The following SELENOI variants were observed in gnomAD, a reference collection of about 807,000 sequenced individuals.
SELENOI encodes the protein selenoprotein I.
A neutral mutation model predicts 50.7 loss-of-function variants in SELENOI; 24 were observed. The observed-to-expected ratio is 0.47, with a 90% CI of 0.34 to 0.67. The LOEUF (loss-of-function observed/expected upper bound fraction) is 0.67. SELENOI is among the 30% of genes least tolerant of loss of function. The pLI, the probability that SELENOI is intolerant of heterozygous loss-of-function variation, is 0.01. For missense variants in SELENOI, 352 were observed against 461.4 expected (o/e 0.76, Z 2.17); for synonymous variants, 155 against 170.2 (o/e 0.91, Z 0.70).
intron 7 of SELENOI, among the ~76,000 whole-genome samples, chr2:26,384,107 C>G (rs1394612454): frequency 6.6e-6 from 1 of 152,168 alleles, no homozygotes; most frequent in East Asian, 1.9e-4. Flanking sequence ...TTGCTCTTTC[C>G]CTTCTTAGTA....
chr2:26,354,667 A>G (rs1010771802), intron 1 of SELENOI, among the ~76,000 whole-genome samples: 9 of 151,896 alleles, frequency 5.9e-5, no homozygotes, highest in African/African-American at 2.2e-4. Flanking sequence ...CTGGGATTAC[A>G]GATGTGAGCC....
intron 4 of SELENOI, among the ~76,000 whole-genome samples, chr2:26,371,781 G>A (rs1276948240): frequency 6.6e-6 from 1 of 152,224 alleles, no homozygotes; most frequent in Non-Finnish European, 1.5e-5. Context: ...GAATCAGGCA[G>A]GGAGATTGCA....
chr2:26,360,744 T>C (rs1046792917), intron 1 of SELENOI, among the ~76,000 whole-genome samples: 42 of 152,302 alleles, frequency 2.8e-4, no homozygotes, highest in African/African-American at 9.9e-4. Context: ...CAGACTTTTG[T>C]GAAGTAAAGG....
In SELENOI at chr2:26,375,164, T is replaced by C; in HGVS notation, c.682+16T>C. The C allele has an allele frequency of 6.7e-7, 1 of 1,496,362 alleles. No individual in the cohort carries two copies. The highest frequency in any genetic ancestry group is 9.3e-7 in the Non-Finnish European group (1 of 1,079,160). 92.7% of individuals were successfully genotyped at this position (1,496,362 alleles called of 1,614,324 possible). ...ATGATTATTGGTAAGAAGCTCCATG[T>C]TGAAGCCTGTTTTAACCATCACTTT... is the stretch of plus-strand genomic sequence containing the variant. On this transcript the variant is annotated intron_variant, in intron 6 of 9. Coordinates refer to ENST00000260585, the MANE Select transcript of SELENOI (RefSeq NM_033505.4).
intron 9 of SELENOI, among the ~76,000 whole-genome samples, chr2:26,387,732 AT>A (rs1298481662): frequency 6.6e-6 from 1 of 151,760 alleles, no homozygotes; most frequent in African/African-American, 2.4e-5. Context: ...AAGAAAAAAA[AT>A]GTTGGCATAA....
chr2:26,356,596 A>T (rs903569463), intron 1 of SELENOI, among the ~76,000 whole-genome samples: 1 of 152,194 alleles, frequency 6.6e-6, no homozygotes, highest in African/African-American at 2.4e-5. Context: ...AAAGTATTTT[A>T]CAAGTCATTG....
chr2:26,351,064 T>G (rs1042334723), intron 1 of SELENOI, among the ~76,000 whole-genome samples: 11 of 148,788 alleles, frequency 7.4e-5, no homozygotes, highest in East Asian at 5.8e-4. Context: ...TGTTTTTTTT[T>G]TTTTTTTTTT....
At position 26,381,198 on chromosome 2, in the gene SELENOI, C is replaced by CTTTTTTTTTTTTTTTTTTTTTTTTTTT. The variant is rs57102834; in HGVS notation, c.683-2096_683-2070dup. Among the ~76,000 whole-genome samples, 4 of 30,196 alleles carry CTTTTTTTTTTTTTTTTTTTTTTTTTTT rather than the reference C, an allele frequency of 1.3e-4. 1 individual carries two copies. Among genetic ancestry groups the CTTTTTTTTTTTTTTTTTTTTTTTTTTT allele is most frequent in the African/African-American group, 7.2e-4 (4 of 5,530 alleles). The allele number at this position is 30,196 out of a possible 152,430, so 19.8% of individuals were successfully genotyped here. A position where few individuals can be genotyped will look rare whatever the true frequency, so the allele number is the denominator to read the frequency against. On this transcript the variant is annotated intron_variant, in intron 6 of 9. Transcript: ENST00000260585. ...TGGATTGTATCTCCTTCAGTTTGGT[C>CTTTTTTTTTTTTTTTTTTTTTTTTTTT]TTTTTTTTTTTTTTTTTTTTTTTTT...
At chr2:26,359,690 C>T (rs546818532) in intron 1 of SELENOI, among the ~76,000 whole-genome samples, 1 of 152,216 alleles carries the variant, frequency 6.6e-6, no homozygotes, top group Non-Finnish European at 1.5e-5. Context: ...AAAATGAAAA[C>T]ACAGGATAGA....
At chr2:26,371,159 C>T (rs191545069) in intron 4 of SELENOI, among the ~76,000 whole-genome samples, 16,824 of 149,014 alleles carry the variant, frequency 0.11, 2,301 homozygotes, top group African/African-American at 0.33. Flanking sequence ...GGGGGCTGAC[C>T]CCTCCCACCT....
At chr2:26,375,186 CTT>C (rs1677541348) in intron 6 of SELENOI, 38 bp downstream of exon 6, 1 of 1,354,136 alleles carries the variant, frequency 7.4e-7, no homozygotes, top group African/African-American at 1.5e-5. Context: ...TTAACCATCA[CTT>C]TGTTATCAAA....
chr2:26,350,073 T>G (rs1244052319), intron 1 of SELENOI, among the ~76,000 whole-genome samples: 1 of 151,838 alleles, frequency 6.6e-6, no homozygotes, highest in Admixed American at 6.6e-5. Flanking sequence ...TGCCACTGTT[T>G]TGCAGCCTGA....
intron 6 of SELENOI, among the ~76,000 whole-genome samples, chr2:26,377,994 A>T (rs1329876915): frequency 6.6e-6 from 1 of 152,060 alleles, no homozygotes; most frequent in Admixed American, 6.6e-5. Flanking sequence ...ACACAGATGA[A>T]GAAATTTGTC....
intron 1 of SELENOI, chr2:26,346,517 A>C: frequency 4.1e-6 from 2 of 482,232 alleles, no homozygotes; most frequent in Non-Finnish European, 7.2e-6. Context: ...CCTTTTCCTT[A>C]GGAGAGCGCT....
At chr2:26,356,248 C>T (rs1677062812) in intron 1 of SELENOI, among the ~76,000 whole-genome samples, 1 of 152,144 alleles carries the variant, frequency 6.6e-6, no homozygotes, top group Non-Finnish European at 1.5e-5. Context: ...GCCTCAAACT[C>T]CTGGGTTCAG....
intron 3 of SELENOI, among the ~76,000 whole-genome samples, chr2:26,365,979 TGTA>T (rs1677279460): frequency 6.6e-6 from 1 of 151,990 alleles, no homozygotes. Flanking sequence ...TTTTTGTATT[TGTA>T]GTAGAGCAGG....
At chr2:26,380,610 C>G (rs1476606865) in intron 6 of SELENOI, among the ~76,000 whole-genome samples, 1 of 152,138 alleles carries the variant, frequency 6.6e-6, no homozygotes, top group Admixed American at 6.6e-5. Flanking sequence ...TCAGTCTTTT[C>G]ATATTTTTTG....
intron 1 of SELENOI, among the ~76,000 whole-genome samples, chr2:26,347,558 AG>A (rs1676823335): frequency 6.6e-6 from 1 of 152,168 alleles, no homozygotes; most frequent in Non-Finnish European, 1.5e-5. Flanking sequence ...AAGTGGAAAG[AG>A]GGTCCAGAGC....
intron 1 of SELENOI, among the ~76,000 whole-genome samples, chr2:26,359,165 A>G (rs902232382): frequency 2.0e-5 from 3 of 152,206 alleles, no homozygotes; most frequent in Non-Finnish European, 4.4e-5. Flanking sequence ...ATGGCCTGCA[A>G]AGCCTCAAAT....
Sources: allele counts gnomAD v4.1 joint callset (sites outside exome capture counted in the v4.1 genomes callset), GRCh38; gene constraint gnomAD v4.1.1; transcripts MANE v1.5; gene names NCBI Gene and HGNC (gene_info 2026-07-23, HGNC 2026-07-21).